The following E2F4 variants were observed in gnomAD, a reference collection of about 807,000 sequenced individuals.
The protein encoded by E2F4 is transcription factor E2F4.
In E2F4, 16 loss-of-function variants were observed where a neutral mutation model predicts 44.5. The ratio of observed to expected loss-of-function variants is 0.36; its 90% CI spans 0.24 to 0.55. E2F4 has a LOEUF of 0.55. Among genes scored for constraint, E2F4 ranks in the 20% least tolerant of loss-of-function variants. The probability of loss-of-function intolerance (pLI) is 0.87; values close to 1 mark genes in which losing one functional copy is unlikely to be tolerated. For missense variants in E2F4, 473 were observed against 522.1 expected (o/e 0.91, Z 0.92); for synonymous variants, 242 against 207.2 (o/e 1.17, Z -1.44).
chr16:67,195,798 G>A lies in E2F4; in HGVS notation c.825G>A (p.Gly275=). 1.2e-6 allele frequency: 2 copies of A among 1,614,056 alleles called. No homozygotes were observed. Among genetic ancestry groups the A allele is most frequent in the Non-Finnish European group, 1.7e-6 (2 of 1,180,000 alleles). Residue 275 remains glycine (G), a synonymous_variant, in exon 7 of 10, where the codon GGG becomes GGA. Coordinates refer to ENST00000379378, the MANE Select transcript of E2F4 (RefSeq NM_001950.4). ...AAEITVSGGP[G]TDSKDSGELS... is the part of the protein sequence containing the mutation. ...TCATTGTAGTGAGTGGCGGCCCTGGGACTGATAGCAAGGACAGTGGTGAGC... is the reference window on the plus strand; with the variant it reads ...TCATTGTAGTGAGTGGCGGCCCTGGAACTGATAGCAAGGACAGTGGTGAGC...
chr16:67,198,780 G>T lies in E2F4; in HGVS notation c.*657G>T. 1 of 217,038 alleles carries T rather than the reference G, an allele frequency of 4.6e-6. No homozygotes were observed. 13.4% of individuals were successfully genotyped at this position (217,038 alleles called of 1,614,324 possible). A position where few individuals can be genotyped will look rare whatever the true frequency, so the allele number is the denominator to read the frequency against. ...CGGCTTTTTCATTTACCCTCATTTA[G>T]AGCCATTTGCAGAGATTTAGAAAGA... On this transcript the variant is annotated 3_prime_UTR_variant, in exon 10 of 10. Transcript: ENST00000379378.
intron 4 of E2F4, 58 bp from the exon 5 acceptor site, chr16:67,194,340 T>C: frequency 6.3e-7 from 1 of 1,592,286 alleles, no homozygotes; most frequent in Non-Finnish European, 8.6e-7. Flanking sequence ...GGCAGGCACC[T>C]CTGTTCCCAG....
chr16:67,193,863 G>A, intron 4 of E2F4: 1 of 347,268 alleles, frequency 2.9e-6, no homozygotes, highest in Non-Finnish European at 5.3e-6. Flanking sequence ...GGGCATGGGG[G>A]TGCCCACTTC....
At chr16:67,197,981 A>G in intron 9 of E2F4, 27 bp from the exon 10 acceptor site, 1 of 1,614,004 alleles carries the variant, frequency 6.2e-7, no homozygotes, top group Non-Finnish European at 8.5e-7. Flanking sequence ...GCCCTGGCCC[A>G]GGGCCTGAGA....
rs376024571 is a variant in E2F4 at position 67,198,139 on chromosome 16, C to A, written c.*16C>A. 6.2e-7 allele frequency: 1 copy of A among 1,609,022 alleles called. No homozygotes were observed. Among genetic ancestry groups the A allele is most frequent in the African/African-American group, 1.3e-5 (1 of 74,808 alleles). ...CAACCTCTGACTGACAGGGACATGCCCTGTGTGGCTGGGACCCAGACTGTC... is the reference window on the plus strand; with the variant it reads ...CAACCTCTGACTGACAGGGACATGCACTGTGTGGCTGGGACCCAGACTGTC... On this transcript the variant is annotated 3_prime_UTR_variant, in exon 10 of 10. Coordinates refer to ENST00000379378, the MANE Select transcript of E2F4 (RefSeq NM_001950.4).
rs202020885 is a variant in E2F4, at chr16:67,193,474, T to C, written c.410T>C (p.Leu137Ser). ...NVTEDVQNSCLAYVTHEDICR... is the reference protein window; with the variant it reads ...NVTEDVQNSCSAYVTHEDICR... Reference sequence around the variant, plus strand: ...GCCATTCTCCTTAACCCTCACACTTTGGCCTACGTCACTCATGAGGACATC... The same window carrying C: ...GCCATTCTCCTTAACCCTCACACTTCGGCCTACGTCACTCATGAGGACATC... Residue 137 changes from leucine (L) to serine (S), a missense_variant and splice_region_variant, in exon 4 of 10, where the codon TTG becomes TCG. By Grantham distance (145) the Leu-to-Ser change is moderately radical (BLOSUM62 -2). Coordinates refer to ENST00000379378, the MANE Select transcript of E2F4 (RefSeq NM_001950.4). 1.2e-4 allele frequency: 191 copies of C among 1,614,156 alleles called. No homozygotes were observed. In the Middle Eastern group the frequency reaches 1.5e-3, roughly 13 times the overall value.
At position 67,196,023 on chromosome 16, in the gene E2F4, T is replaced by C; in HGVS notation, c.1033+17T>C. On this transcript the variant is annotated intron_variant, in intron 7 of 9. Transcript: ENST00000379378. ...CCACAGGTGGTGAGTACCTGCCCCCTGGGGGCAGAGAGAGAGAGTCTAGCC... is the reference window on the plus strand; with the variant it reads ...CCACAGGTGGTGAGTACCTGCCCCCCGGGGGCAGAGAGAGAGAGTCTAGCC... The C allele has an allele frequency of 6.2e-7, 1 of 1,612,736 alleles. No individual in the cohort carries two copies. Among genetic ancestry groups the C allele is most frequent in the South Asian group, 1.1e-5 (1 of 91,074 alleles).
At chr16:67,197,001 A>G (rs987912953) in intron 7 of E2F4, among the ~76,000 whole-genome samples, 1 of 152,178 alleles carries the variant, frequency 6.6e-6, no homozygotes, top group Non-Finnish European at 1.5e-5. Flanking sequence ...CTGACAGACT[A>G]ATCTTTCTGA....
intron 1 of E2F4, 124 bp downstream of exon 1, chr16:67,192,486 A>G: frequency 7.7e-7 from 1 of 1,293,784 alleles, no homozygotes; most frequent in Non-Finnish European, 1.0e-6. Context: ...GCTTTCTCAC[A>G]GGAGAGAAGC....
chr16:67,197,669 G>T (rs2032993200), intron 8 of E2F4, 23 bp downstream of exon 8: 1 of 1,613,638 alleles, frequency 6.2e-7, no homozygotes, highest in Admixed American at 1.7e-5. Flanking sequence ...ATTCCTCCCT[G>T]AGGCTAGGGG....
chr16:67,194,764 G>C lies in E2F4; in HGVS notation c.592G>C (p.Glu198Gln). 6.2e-7 allele frequency: 1 copy of C among 1,614,192 alleles called. No individual in the cohort carries two copies. The highest frequency in any genetic ancestry group is 8.5e-7 in the Non-Finnish European group (1 of 1,180,030). Residue 198 changes from glutamate to glutamine, a missense_variant, in exon 6 of 10, where the codon GAG becomes CAG. Physicochemically the swap from Glu to Gln is conservative, Grantham distance 29. Coordinates refer to ENST00000379378, the MANE Select transcript of E2F4 (RefSeq NM_001950.4). Reference sequence around the variant, plus strand: ...CATTGAGGTTCTGCTGGTGAACAAGGAGGCATGGAGCTCACCCCCTGTGGC... The same window carrying C: ...CATTGAGGTTCTGCTGGTGAACAAGCAGGCATGGAGCTCACCCCCTGTGGC... ...GPIEVLLVNK[E>Q]AWSSPPVAVP...
chr16:67,194,864 C>T lies in E2F4; in HGVS notation c.692C>T (p.Pro231Leu), dbSNP rs1227247778. Residue 231 changes from proline (P) to leucine (L), a missense_variant, in exon 6 of 10, where the codon CCT (proline) becomes CTT (leucine). Physicochemically the swap from Pro to Leu is moderately conservative, Grantham distance 98. Transcript: ENST00000379378. Reference protein sequence around the residue: ...AVSTPPPLPKPALAQSQEASR... With the variant: ...AVSTPPPLPKLALAQSQEASR... ...TCTACACCTCCACCTCTGCCCAAGC[C>T]TGCCCTAGCCCAGTCCCAGGAAGCC... 1.2e-6 allele frequency: 2 copies of T among 1,614,084 alleles called. No individual in the cohort carries two copies. Among genetic ancestry groups the T allele is most frequent in the Non-Finnish European group, 1.7e-6 (2 of 1,180,040 alleles).
intron 1 of E2F4, 141 bp from the exon 2 acceptor site, chr16:67,192,620 G>T: frequency 1.0e-6 from 1 of 954,002 alleles, no homozygotes; most frequent in Non-Finnish European, 1.6e-6. Context: ...CTATGGGACA[G>T]AGCTGCGGTC....
chr16:67,192,333 GC>G lies in E2F4; in HGVS notation c.108del (p.Lys37ArgfsTer14). On this transcript the variant is annotated frameshift_variant, in exon 1 of 10. Transcript: ENST00000379378. LOFTEE classifies it high-confidence loss of function. ...TTKFVSLLQE[A>X]KDGVLDLKLA... Reference sequence around the variant, plus strand: ...CAAGTTCGTGTCCCTTCTGCAGGAGGCCAAGGACGGCGTGCTTGACCTCAAG... The same window carrying G: ...CAAGTTCGTGTCCCTTCTGCAGGAGGCAAGGACGGCGTGCTTGACCTCAAG... The G allele has an allele frequency of 7.0e-7, 1 of 1,428,864 alleles. No homozygotes were observed. Among genetic ancestry groups the G allele is most frequent in the Non-Finnish European group, 9.2e-7 (1 of 1,089,528 alleles). 88.5% of individuals were successfully genotyped at this position (1,428,864 alleles called of 1,614,324 possible).
At chr16:67,196,850 C>T (rs1031201292) in intron 7 of E2F4, among the ~76,000 whole-genome samples, 1 of 152,160 alleles carries the variant, frequency 6.6e-6, no homozygotes, top group Non-Finnish European at 1.5e-5. Context: ...CCTTATCCCT[C>T]CTCCTTCTGC....
rs748157791 is a variant in E2F4, at chr16:67,194,874, C to G, written c.702C>G (p.Ala234=). The change falls in exon 6 of 10, where the codon GCC becomes GCG. Residue 234 remains alanine (A), a synonymous_variant. Transcript: ENST00000379378. ...TPPPLPKPAL[A]QSQEASRPNS... ...CACCTCTGCCCAAGCCTGCCCTAGC[C>G]CAGTCCCAGGAAGCCTCACGTCCAA... 1.9e-6 allele frequency: 3 copies of G among 1,614,066 alleles called. No homozygotes were observed. In the South Asian group the frequency reaches 3.3e-5, roughly 18 times the overall value.
In E2F4 at chr16:67,194,695, G is replaced by T. The variant is rs1170482661; in HGVS notation, c.523G>T (p.Gly175Trp). 7.4e-6 allele frequency: 12 copies of T among 1,611,734 alleles called. No homozygotes were observed. Among genetic ancestry groups the T allele is most frequent in the Non-Finnish European group, 1.0e-5 (12 of 1,177,984 alleles). Residue 175 changes from glycine (G) to tryptophan (W), a missense_variant, in exon 6 of 10, where the codon GGG (glycine) becomes TGG (tryptophan). Physicochemically the swap from Gly to Trp is radical, Grantham distance 184. Around this residue, in one of 3 missense-constraint regions of E2F4, gnomAD observed 314 missense variants for 315.6 expected, o/e 0.99. Transcript: ENST00000379378. ...LEVPIPEGLN[G>W]QKKYQIHLKS... ...TACCACCCATCTCTAGGGTCTCAAT[G>T]GGCAGAAGAAGTACCAGATTCACCT... is the stretch of plus-strand genomic sequence containing the variant.
intron 6 of E2F4, 139 bp downstream of exon 6, chr16:67,195,119 G>T: frequency 8.9e-7 from 1 of 1,124,398 alleles, no homozygotes; most frequent in Non-Finnish European, 1.2e-6. Context: ...CCTTGCTATG[G>T]TAATGAATGA....
At chr16:67,193,950 G>A (rs1597275191) in intron 4 of E2F4, 1 of 242,226 alleles carries the variant, frequency 4.1e-6, no homozygotes, top group East Asian at 1.0e-4. Context: ...GGCTCTTGCT[G>A]TGTTGCCCAG....
Sources: gnomAD v4.1 joint callset for allele counts (sites outside exome capture counted in the v4.1 genomes callset) on GRCh38, gnomAD v4.1.1 for gene constraint, gnomAD v4.1.1 regional missense constraint, MANE v1.5 for transcripts, NCBI Gene and HGNC (gene_info 2026-07-23, HGNC 2026-07-21) for gene names.